PNPLA7: variants seen among roughly 807,000 people sequenced by gnomAD.
PNPLA7 encodes the protein patatin-like phospholipase domain-containing protein 7.
A neutral mutation model predicts 161.7 loss-of-function variants in PNPLA7; 153 were observed. That is an observed-to-expected ratio of 0.95 (90% CI 0.83 to 1.08). The LOEUF (loss-of-function observed/expected upper bound fraction) is 1.08, where lower values mean the gene tolerates loss of function less well. PNPLA7 is among the 50% of genes least tolerant of loss of function. PNPLA7 has a pLI of 0.00. For synonymous variants in PNPLA7, 809 were observed against 782.1 expected, an observed-to-expected ratio of 1.03 and a Z score of -0.57; for missense variants, 1,739 against 1,856.6, an observed-to-expected ratio of 0.94 and a Z score of 1.16.
chr9:137,472,253 T>C (rs1831738373), intron 25 of PNPLA7, among the ~76,000 whole-genome samples: 1 of 152,048 alleles, frequency 6.6e-6, no homozygotes, highest in Non-Finnish European at 1.5e-5. Flanking sequence ...ATTTTCATTC[T>C]GCTCTGAAGA....
Position 137,546,861 on chromosome 9 carries a change from A to C in PNPLA7, c.242T>G (p.Val81Gly). ...CATGATCTTCCGGCCGTAAAACATC[A>C]CTTTGTCTCTCTTCCGGAACCGGTA... ...PQYRFRKRDKVMFYGRKIMRK... is the reference protein window; with the variant it reads ...PQYRFRKRDKGMFYGRKIMRK... The change falls in exon 4 of 35, where the codon GTG becomes GGG. Residue 81 changes from valine (V) to glycine (G), a missense_variant. Around this residue, in one of 6 missense-constraint regions of PNPLA7, gnomAD observed 209 missense variants for 252.8 expected, o/e 0.83. Coordinates refer to ENST00000406427, the MANE Select transcript of PNPLA7 (RefSeq NM_001098537.3). The C allele has an allele frequency of 6.2e-7, 1 of 1,613,866 alleles. No homozygotes were observed. The highest frequency in any genetic ancestry group is 1.6e-4 in the Middle Eastern group (1 of 6,062).
intron 8 of PNPLA7, 46 bp from the exon 9 acceptor site, chr9:137,522,903 C>A: frequency 1.9e-6 from 3 of 1,601,674 alleles, no homozygotes; most frequent in Non-Finnish European, 1.7e-6. Context: ...GCCTGGCCAA[C>A]CCCCCAGGGA....
Position 137,543,801 on chromosome 9 carries a change from G to A in PNPLA7, c.288C>T (p.Pro96=). 6.2e-7 allele frequency: 1 copy of A among 1,613,710 alleles called. No homozygotes were observed. The highest frequency in any genetic ancestry group is 2.2e-5 in the East Asian group (1 of 44,850). The change falls in exon 5 of 35, where the codon CCC becomes CCT. Residue 96 remains proline (P), a synonymous_variant. Coordinates refer to ENST00000406427, the MANE Select transcript of PNPLA7 (RefSeq NM_001098537.3). This position sits in a 1 kb window ranked among gnomAD's most constrained non-coding sequence, Gnocchi z 6.9. The part of the protein sequence containing the change: ...RKIMRKVTTL[P]NTLVENTALP... ...GGGCAGTGTTCTCCACAAGGGTGTT[G>A]GGGAGTGTGGTCACCTGCAGAGCCA...
At chr9:137,506,149 G>T in intron 12 of PNPLA7, 66 bp from the exon 13 acceptor site, 2 of 1,345,086 alleles carry the variant, frequency 1.5e-6, no homozygotes, top group Non-Finnish European at 2.1e-6. Context: ...CCGCGGTGTG[G>T]GCTGAGCACA....
chr9:137,540,714 G>C lies in PNPLA7; in HGVS notation c.675C>G (p.Thr225=). 1.2e-6 allele frequency: 2 copies of C among 1,609,908 alleles called. No homozygotes were observed. Among genetic ancestry groups the C allele is most frequent in the South Asian group, 2.2e-5 (2 of 90,434 alleles). ...CCAGAACCTCTTTCACCACCACCTC[G>C]GTGCCGTCCTGCGCTTGGAGAGCAG... The part of the protein sequence containing the change: ...LEVCIQDTDG[T]EVVVKEVLAG... The change falls in exon 8 of 35, where the codon ACC becomes ACG. Residue 225 remains threonine, a synonymous_variant. Transcript: ENST00000406427. The surrounding 1 kb of genome is among the most constrained non-coding windows in gnomAD (Gnocchi z 5.1).
chr9:137,542,621 C>T (rs958275742), intron 7 of PNPLA7, 21 bp downstream of exon 7: 2 of 1,560,516 alleles, frequency 1.3e-6, no homozygotes, highest in Non-Finnish European at 1.7e-6. Context: ...CCTGACCCCG[C>T]CCCGCCGCCC....
At chr9:137,475,213 A>G (rs1831893694) in intron 25 of PNPLA7, among the ~76,000 whole-genome samples, 1 of 151,824 alleles carries the variant, frequency 6.6e-6, no homozygotes, top group African/African-American at 2.4e-5. Flanking sequence ...TCAGAATACC[A>G]AGAGTGCAGA....
intron 8 of PNPLA7, among the ~76,000 whole-genome samples, chr9:137,528,793 C>T (rs1195111630): frequency 2.6e-5 from 4 of 151,734 alleles, no homozygotes; most frequent in African/African-American, 7.3e-5. Flanking sequence ...CTCTGCCTCC[C>T]GGGTTCACGC....
rs535064518 is a variant in PNPLA7 at position 137,489,482 on chromosome 9, A to AC, written c.2197+3530dup. Among the ~76,000 whole-genome samples, 146 of 152,254 alleles carry AC rather than the reference A, an allele frequency of 9.6e-4. 1 individual carries two copies. Among genetic ancestry groups the AC allele is most frequent in the African/African-American group, 3.2e-3 (134 of 41,572 alleles). On this transcript the variant is annotated intron_variant, in intron 20 of 34. Transcript: ENST00000406427. ...CAGTGACCAGGCCACATCCATGGTG[A>AC]CCCAGTATGCCAAGAGCAAGGAGGA...
At chr9:137,544,739 G>T (rs1370650915) in intron 4 of PNPLA7, among the ~76,000 whole-genome samples, 1 of 152,036 alleles carries the variant, frequency 6.6e-6, no homozygotes, top group African/African-American at 2.4e-5. Context: ...CGCCTCCTGG[G>T]TCCTGGCTCA....
rs58417100 is a variant in PNPLA7, at chr9:137,475,010, C to CAAAAAAA, written c.2882+3017_2882+3023dup. On this transcript the variant is annotated intron_variant, in intron 25 of 34. Coordinates refer to ENST00000406427, the MANE Select transcript of PNPLA7 (RefSeq NM_001098537.3). ...ACTGCGACAGAACAAGACTCTGCCTCAAAAAAAAAAAAAAAAAAAAAAGAA... is the reference window on the plus strand; with the variant it reads ...ACTGCGACAGAACAAGACTCTGCCTCAAAAAAAAAAAAAAAAAAAAAAAAAAAAAGAA... Among the ~76,000 whole-genome samples the CAAAAAAA allele has an allele frequency of 6.6e-3, 422 of 63,586 alleles. 25 individuals are homozygous for CAAAAAAA. The highest frequency in any genetic ancestry group is 0.028 in the African/African-American group (405 of 14,614). 41.7% of individuals were successfully genotyped at this position (63,586 alleles called of 152,430 possible). A position where few individuals can be genotyped will look rare whatever the true frequency, so the allele number is the denominator to read the frequency against.
intron 8 of PNPLA7, among the ~76,000 whole-genome samples, chr9:137,525,866 C>T (rs1340609237): frequency 2.0e-5 from 3 of 150,064 alleles, no homozygotes; most frequent in Admixed American, 6.6e-5. Context: ...CAGGCACTGG[C>T]GTTACCGCTA....
intron 20 of PNPLA7, among the ~76,000 whole-genome samples, chr9:137,489,242 G>A (rs1832653547): frequency 6.6e-6 from 1 of 152,254 alleles, no homozygotes; most frequent in South Asian, 2.1e-4. Context: ...AGATGGCGCA[G>A]AATGCAGCCT....
At chr9:137,471,330 G>A (rs933579890) in intron 25 of PNPLA7, among the ~76,000 whole-genome samples, 6 of 152,180 alleles carry the variant, frequency 3.9e-5, no homozygotes, top group African/African-American at 1.4e-4. Flanking sequence ...GCCGGGCACA[G>A]TGGCTCACGC....
intron 19 of PNPLA7, among the ~76,000 whole-genome samples, chr9:137,494,210 C>G (rs974072528): frequency 1.3e-5 from 2 of 152,176 alleles, no homozygotes; most frequent in African/African-American, 4.8e-5. Flanking sequence ...GCCGGTCCTT[C>G]CTGGGCGCTC....
intron 11 of PNPLA7, 44 bp downstream of exon 11, chr9:137,519,873 G>A (rs377474408): frequency 2.5e-5 from 40 of 1,581,336 alleles, no homozygotes; most frequent in South Asian, 5.7e-5. Flanking sequence ...AGGATCCCCC[G>A]GACTCTGGGG....
chr9:137,500,552 C>T lies in PNPLA7; in HGVS notation c.1757+139G>A, dbSNP rs1833335235. The T allele has an allele frequency of 6.2e-6, 5 of 805,202 alleles. No homozygotes were observed. Among genetic ancestry groups the T allele is most frequent in the Non-Finnish European group, 9.7e-6 (5 of 514,946 alleles). 49.9% of individuals were successfully genotyped at this position (805,202 alleles called of 1,614,324 possible). On this transcript the variant is annotated intron_variant, in intron 16 of 34. Coordinates refer to ENST00000406427, the MANE Select transcript of PNPLA7 (RefSeq NM_001098537.3). This position sits in a 1 kb window ranked among gnomAD's most constrained non-coding sequence, Gnocchi z 5.5. ...CAGGGGGCACAGACCTGGGCCCACA[C>T]AGGTGCCGGGGACAAAGAGGGGAGC...
In PNPLA7 at chr9:137,488,173, A is replaced by G. The variant is rs189758894; in HGVS notation, c.2198-3437T>C. Among the ~76,000 whole-genome samples the G allele has an allele frequency of 6.8e-4, 103 of 152,276 alleles. 1 individual carries two copies. The highest frequency in any genetic ancestry group is 8.7e-4 in the Non-Finnish European group (59 of 68,002). On this transcript the variant is annotated intron_variant, in intron 20 of 34. Coordinates refer to ENST00000406427, the MANE Select transcript of PNPLA7 (RefSeq NM_001098537.3). Reference sequence around the variant, plus strand: ...ATGTCTCGTCCCGAGCTTCACTTGCAGTCTGATGTCTCGTCCCGAGCTTCG... The same window carrying G: ...ATGTCTCGTCCCGAGCTTCACTTGCGGTCTGATGTCTCGTCCCGAGCTTCG...
chr9:137,488,976 C>A (rs1325122051), intron 20 of PNPLA7, among the ~76,000 whole-genome samples: 1 of 145,512 alleles, frequency 6.9e-6, no homozygotes, highest in African/African-American at 2.6e-5. Flanking sequence ...CTGTGTACCC[C>A]CTAACCAGCA....
Sources: gnomAD v4.1 joint callset for allele counts (sites outside exome capture counted in the v4.1 genomes callset) on GRCh38, gnomAD v4.1.1 for gene constraint, gnomAD v4.1.1 regional missense constraint, Gnocchi (gnomAD v3.1) non-coding constraint, MANE v1.5 for transcripts, NCBI Gene and HGNC (gene_info 2026-07-23, HGNC 2026-07-21) for gene names.